SAMD5: variants seen among roughly 807,000 people sequenced by gnomAD.
SAMD5 encodes the protein sterile alpha motif domain containing 5.
Under a neutral mutation model 11.3 loss-of-function variants are expected in SAMD5, and 13 were observed. The observed-to-expected ratio is 1.15, with a 90% CI of 0.75 to 1.83. The LOEUF is 1.83. SAMD5 is among the 40% of genes most tolerant of loss of function. The probability of loss-of-function intolerance (pLI) is 0.00; values close to 1 mark genes in which losing one functional copy is unlikely to be tolerated. For synonymous variants in SAMD5, 129 were observed against 111.3 expected (o/e 1.16, Z -1.00); for missense variants, 255 against 239.1 (o/e 1.07, Z -0.44).
At chr6:147,622,213 T>C (rs1293770142) in intron 1 of SAMD5, among the ~76,000 whole-genome samples, 1 of 152,226 alleles carries the variant, frequency 6.6e-6, no homozygotes, top group Non-Finnish European at 1.5e-5. Flanking sequence ...TTCAAGTCTG[T>C]GATATACAAT....
the SAMD5 span, among the ~76,000 whole-genome samples, chr6:147,924,723 A>C: frequency 1.4e-3 from 209 of 151,572 alleles, no homozygotes; most frequent in Non-Finnish European, 1.8e-3. Context: ...TATATATATA[A>C]ATAACCAAAC....
the SAMD5 span, among the ~76,000 whole-genome samples, chr6:147,901,643 G>A: frequency 6.6e-6 from 1 of 152,164 alleles, no homozygotes; most frequent in Non-Finnish European, 1.5e-5. Context: ...ATGAGGATAG[G>A]CATCTGTATC....
the SAMD5 span, among the ~76,000 whole-genome samples, chr6:147,846,158 T>C: frequency 6.6e-6 from 1 of 152,320 alleles, no homozygotes; most frequent in Non-Finnish European, 1.5e-5. Flanking sequence ...GTGACACTTG[T>C]ATTTCTATAA....
chr6:147,546,748 T>C (rs1315657255), intron 1 of SAMD5, among the ~76,000 whole-genome samples: 1 of 152,192 alleles, frequency 6.6e-6, no homozygotes, highest in Non-Finnish European at 1.5e-5. Context: ...CTGAACTCTC[T>C]GAATATAATC....
the SAMD5 span, among the ~76,000 whole-genome samples, chr6:147,879,996 G>A: frequency 7.9e-5 from 12 of 152,080 alleles, no homozygotes; most frequent in East Asian, 1.9e-4. Context: ...TAACTCTTAA[G>A]CAAAATAATG....
chr6:147,613,861 G>A (rs928754599), intron 1 of SAMD5, among the ~76,000 whole-genome samples: 2 of 151,876 alleles, frequency 1.3e-5, no homozygotes, highest in Non-Finnish European at 2.9e-5. Context: ...TGTCCTCCGT[G>A]GCTCCGCCTC....
chr6:147,525,785 T>C (rs1442981097), intron 1 of SAMD5, among the ~76,000 whole-genome samples: 1 of 152,182 alleles, frequency 6.6e-6, no homozygotes, highest in Admixed American at 6.5e-5. Flanking sequence ...TGTCCCTGAA[T>C]GTTCTTGACC....
At chr6:147,736,669 C>G (rs940793515) in intron 1 of SAMD5, among the ~76,000 whole-genome samples, 3 of 152,116 alleles carry the variant, frequency 2.0e-5, no homozygotes, top group African/African-American at 7.2e-5. Flanking sequence ...TGATAGTTCA[C>G]AAGGCCATTT....
chr6:147,783,850 G>A, the SAMD5 span, among the ~76,000 whole-genome samples: 1 of 152,008 alleles, frequency 6.6e-6, no homozygotes, highest in South Asian at 2.1e-4. Context: ...TTTCTCTATC[G>A]AGCTACTGAA....
chr6:147,889,955 C>T, the SAMD5 span, among the ~76,000 whole-genome samples: 2 of 152,212 alleles, frequency 1.3e-5, no homozygotes, highest in Non-Finnish European at 2.9e-5. Context: ...ACTCCAAACT[C>T]TGTCATCCTA....
chr6:147,629,158 A>C lies in SAMD5; in HGVS notation c.163-108159A>C, dbSNP rs144117157. On this transcript the variant is annotated intron_variant, in intron 1 of 1. Coordinates refer to the SAMD5 transcript ENST00000566741. ...ATACAGAAAACAAACAAACAAAAAA[A>C]CATCAGCTAGGCATAGTGGTGAGCA... 6.6e-3 allele frequency among the ~76,000 whole-genome samples: 1,005 copies of C among 152,144 alleles called. 15 individuals are homozygous for C. Among genetic ancestry groups the C allele is most frequent in the South Asian group, 0.038 (185 of 4,822 alleles).
chr6:147,758,203 A>G, the SAMD5 span, among the ~76,000 whole-genome samples: 1 of 152,352 alleles, frequency 6.6e-6, no homozygotes, highest in East Asian at 1.9e-4. Context: ...AGTGGCAGCT[A>G]TCTTAAATTA....
chr6:147,755,669 G>T, the SAMD5 span, among the ~76,000 whole-genome samples: 1 of 152,030 alleles, frequency 6.6e-6, no homozygotes. Flanking sequence ...ATTTCATGCA[G>T]TTCCAGATTT....
chr6:147,584,310 T>C (rs1183705816), intron 1 of SAMD5, among the ~76,000 whole-genome samples: 1 of 152,250 alleles, frequency 6.6e-6, no homozygotes, highest in Non-Finnish European at 1.5e-5. Context: ...TGCTTTTGTT[T>C]GTCAAAGAAC....
Position 147,566,129 on chromosome 6 carries a change from T to C in SAMD5, c.*1673T>C, listed in dbSNP as rs550591204. On this transcript the variant is annotated 3_prime_UTR_variant, in exon 2 of 2. Transcript: ENST00000367474. ...TTAAAAATCTGAAGTTTAAATAGTTTAGCTATTTCTGTAGGTTAATTCAGG... is the reference window on the plus strand; with the variant it reads ...TTAAAAATCTGAAGTTTAAATAGTTCAGCTATTTCTGTAGGTTAATTCAGG... The C allele has an allele frequency of 1.1e-5, 11 of 980,494 alleles. No individual in the cohort carries two copies. In the East Asian group the frequency reaches 8.0e-4, roughly 71 times the overall value. The allele number at this position is 980,494 out of a possible 1,614,324, so 60.7% of individuals were successfully genotyped here.
In SAMD5 at chr6:147,569,921, C is replaced by T. The variant is rs1236914974; in HGVS notation, c.*5465C>T. 1.0e-6 allele frequency: 1 copy of T among 984,772 alleles called. No homozygotes were observed. The highest frequency in any genetic ancestry group is 1.2e-6 in the Non-Finnish European group (1 of 829,578). 61.0% of individuals were successfully genotyped at this position (984,772 alleles called of 1,614,324 possible). ...GTTATGAGAAGGCACTATGAAAAGCCTAATTGGAATAGCATTATGAACCAT... is the reference window on the plus strand; with the variant it reads ...GTTATGAGAAGGCACTATGAAAAGCTTAATTGGAATAGCATTATGAACCAT... On this transcript the variant is annotated 3_prime_UTR_variant, in exon 2 of 2. Transcript: ENST00000367474.
chr6:147,802,578 G>A, the SAMD5 span, among the ~76,000 whole-genome samples: 1,875 of 152,252 alleles, frequency 0.012, 49 homozygotes, highest in African/African-American at 0.042. Context: ...AGAAAGGACA[G>A]CGTATGTTCA....
At chr6:147,750,718 GT>G in the SAMD5 span, among the ~76,000 whole-genome samples, 1 of 152,212 alleles carries the variant, frequency 6.6e-6, no homozygotes, top group African/African-American at 2.4e-5. Context: ...GAGGCCAGGA[GT>G]TTGAGACTAC....
chr6:147,632,794 G>C lies in SAMD5; in HGVS notation c.163-104523G>C, dbSNP rs572216032. Among the ~76,000 whole-genome samples, 16 of 152,298 alleles carry C rather than the reference G, an allele frequency of 1.1e-4. No individual in the cohort carries two copies. In the South Asian group the frequency reaches 3.3e-3, roughly 32 times the overall value. On this transcript the variant is annotated intron_variant, in intron 1 of 1. Coordinates refer to the SAMD5 transcript ENST00000566741. ...AAAATAATATTATTTTTCCATGGCA[G>C]TTGTTAGATTAGTACTACTTATAAC... is the stretch of plus-strand genomic sequence containing the variant.
Sources: gnomAD v4.1 joint callset for allele counts (sites outside exome capture counted in the v4.1 genomes callset) on GRCh38, gnomAD v4.1.1 for gene constraint, MANE v1.5 for transcripts, NCBI Gene and HGNC (gene_info 2026-07-23, HGNC 2026-07-21) for gene names.